The following ZMYM4 variants were observed in gnomAD, a reference collection of about 807,000 sequenced individuals.
ZMYM4 encodes zinc finger MYM-type protein 4.
In ZMYM4, 31 loss-of-function variants were observed where a neutral mutation model predicts 183.2. The observed-to-expected ratio is 0.17, with a 90% CI of 0.13 to 0.23. ZMYM4 has a LOEUF of 0.23. ZMYM4 is among the 10% of genes least tolerant of loss of function. The pLI is 1.00. For synonymous variants in ZMYM4, 592 were observed against 631.2 expected (o/e 0.94, Z 0.93); for missense variants, 1,273 against 1,840.3 (o/e 0.69, Z 5.64).
intron 27 of ZMYM4, 129 bp downstream of exon 27, chr1:35,414,212 GAGA>G: frequency 1.6e-6 from 1 of 627,314 alleles, no homozygotes; most frequent in Non-Finnish European, 2.8e-6. Context: ...GACTTCTGAG[GAGA>G]CGGTCTTTGG....
At chr1:35,347,528 T>C (rs1008098813) in intron 2 of ZMYM4, among the ~76,000 whole-genome samples, 1 of 152,152 alleles carries the variant, frequency 6.6e-6, no homozygotes, top group Non-Finnish European at 1.5e-5. Flanking sequence ...CTTTTTTTTT[T>C]CCTGGATTAT....
intron 6 of ZMYM4, 73 bp from the exon 7 acceptor site, chr1:35,370,299 T>TA: frequency 6.9e-7 from 1 of 1,450,432 alleles, no homozygotes; most frequent in Non-Finnish European, 9.1e-7. Flanking sequence ...AATGTCTACT[T>TA]AAAATTCATG....
intron 2 of ZMYM4, among the ~76,000 whole-genome samples, chr1:35,346,650 CAAAA>C (rs746472685): frequency 1.8e-5 from 1 of 54,188 alleles, no homozygotes; most frequent in Non-Finnish European, 5.2e-5. Flanking sequence ...GACTCCATCT[CAAAA>C]AAAAAAAAAA....
intron 2 of ZMYM4, among the ~76,000 whole-genome samples, chr1:35,329,119 AC>A (rs1642627440): frequency 6.6e-6 from 1 of 152,248 alleles, no homozygotes; most frequent in Admixed American, 6.5e-5. Context: ...GCAGAGGCTA[AC>A]CCCGTTTGTG....
intron 21 of ZMYM4, 124 bp from the exon 22 acceptor site, chr1:35,398,740 A>G: frequency 1.0e-6 from 1 of 954,878 alleles, no homozygotes; most frequent in East Asian, 2.6e-5. Flanking sequence ...TCTTGAGTGT[A>G]CCTAGGTAAT....
At chr1:35,269,939 C>G (rs926960260) in intron 1 of ZMYM4, among the ~76,000 whole-genome samples, 1 of 152,136 alleles carries the variant, frequency 6.6e-6, no homozygotes, top group Non-Finnish European at 1.5e-5. Flanking sequence ...AGTAAGTTTC[C>G]TTTTAGGAGT....
chr1:35,325,481 A>AAACACTGTAATAG, intron 2 of ZMYM4, 76 bp downstream of exon 2: 2 of 1,454,998 alleles, frequency 1.4e-6, no homozygotes, highest in Non-Finnish European at 1.9e-6. Flanking sequence ...GTATTTAACT[A>AAACACTGTAATAG]TTACAGTGTT....
chr1:35,371,071 G>GTT (rs1162868612), intron 7 of ZMYM4, among the ~76,000 whole-genome samples: 23 of 110,170 alleles, frequency 2.1e-4, no homozygotes, highest in African/African-American at 1.0e-3. Flanking sequence ...CAGTGTGTGT[G>GTT]TGTGTGTGTG....
intron 1 of ZMYM4, among the ~76,000 whole-genome samples, chr1:35,292,729 A>ACAT (rs1482763170): frequency 6.6e-6 from 1 of 151,942 alleles, no homozygotes; most frequent in Non-Finnish European, 1.5e-5. Flanking sequence ...CTAACTCCTA[A>ACAT]CATCAGGTGA....
chr1:35,400,803 G>T (rs879427851), intron 23 of ZMYM4, among the ~76,000 whole-genome samples: 1 of 152,138 alleles, frequency 6.6e-6, no homozygotes, highest in African/African-American at 2.4e-5. Context: ...CTACTGTACC[G>T]ATTGATGCAG....
intron 1 of ZMYM4, among the ~76,000 whole-genome samples, chr1:35,311,859 A>G (rs1172595895): frequency 6.6e-6 from 1 of 151,936 alleles, no homozygotes; most frequent in Non-Finnish European, 1.5e-5. Context: ...TTCTGATATT[A>G]TTTCACTTTT....
rs1640837045 is a variant in ZMYM4, at chr1:35,293,026, GTTCCTGCTCTGT to G, written c.39+23942_39+23953del. ...AACATTTTTTTTTTTTTTGAGACAG[GTTCCTGCTCTGT>G]CACCCAGGCTGGAGTATGGTGGCAT... On this transcript the variant is annotated intron_variant, in intron 1 of 29. Transcript: ENST00000314607. 2.7e-5 allele frequency among the ~76,000 whole-genome samples: 4 copies of G among 149,640 alleles called. 1 individual carries two copies. The South Asian group carries it at 8.4e-4, about 31-fold the overall frequency.
At chr1:35,278,603 T>A (rs539244449) in intron 1 of ZMYM4, among the ~76,000 whole-genome samples, 1 of 152,226 alleles carries the variant, frequency 6.6e-6, no homozygotes, top group South Asian at 2.1e-4. Context: ...TTTTTTGTAT[T>A]TTTAGTGGAG....
intron 1 of ZMYM4, among the ~76,000 whole-genome samples, chr1:35,324,969 A>G (rs976486071): frequency 1.3e-5 from 2 of 151,958 alleles, no homozygotes; most frequent in African/African-American, 4.8e-5. Context: ...CTTAAGAGCA[A>G]AAGCTGTTAA....
intron 7 of ZMYM4, chr1:35,370,920 A>G (rs1430854272): frequency 3.9e-6 from 1 of 258,372 alleles, no homozygotes; most frequent in Admixed American, 5.2e-5. Context: ...CAAAAAGTGC[A>G]CATTTAGGGA....
chr1:35,313,136 C>A lies in ZMYM4; in HGVS notation c.40-12224C>A, dbSNP rs1366246968. 3.3e-5 allele frequency among the ~76,000 whole-genome samples: 5 copies of A among 152,030 alleles called. No homozygotes were observed. In the East Asian group the frequency reaches 9.7e-4, roughly 29 times the overall value. ...CTGGAACTCCTGACCTCAGGTGATC[C>A]ACCCGCCTCAGCCTCCCAAAGTGCT... On this transcript the variant is annotated intron_variant, in intron 1 of 29. Transcript: ENST00000314607.
At chr1:35,393,997 TAATATTATAG>T (rs1644758250) in intron 18 of ZMYM4, among the ~76,000 whole-genome samples, 2 of 152,162 alleles carry the variant, frequency 1.3e-5, no homozygotes, top group African/African-American at 4.8e-5. Flanking sequence ...AATGACAATG[TAATATTATAG>T]AATAAGCATA....
At chr1:35,418,903 T>C (rs1021110952) in intron 29 of ZMYM4, among the ~76,000 whole-genome samples, 1 of 152,242 alleles carries the variant, frequency 6.6e-6, no homozygotes, top group Non-Finnish European at 1.5e-5. Context: ...AAAGCTATAA[T>C]AGAAAAACAA....
intron 1 of ZMYM4, among the ~76,000 whole-genome samples, chr1:35,305,446 A>G (rs958627566): frequency 1.3e-5 from 2 of 150,950 alleles, no homozygotes; most frequent in Non-Finnish European, 1.5e-5. Flanking sequence ...TGTTTTTTTT[A>G]AGATTTTTTT....
Sources: allele counts gnomAD v4.1 joint callset (sites outside exome capture counted in the v4.1 genomes callset), GRCh38; gene constraint gnomAD v4.1.1; transcripts MANE v1.5; gene names NCBI Gene and HGNC (gene_info 2026-07-23, HGNC 2026-07-21).